The following STK3 variants were observed in gnomAD, a reference collection of about 807,000 sequenced individuals.
STK3 encodes serine/threonine kinase 3.
A neutral mutation model predicts 58.0 loss-of-function variants in STK3; 41 were observed. The ratio of observed to expected loss-of-function variants is 0.71; its 90% CI spans 0.55 to 0.92. STK3 has a LOEUF of 0.92. STK3 is among the 40% of genes least tolerant of loss of function. The pLI is 0.00. For missense variants in STK3, 479 were observed against 602.7 expected, an observed-to-expected ratio of 0.79 and a Z score of 2.15; for synonymous variants, 170 against 191.0, an observed-to-expected ratio of 0.89 and a Z score of 0.91.
At chr8:98,766,624 C>T (rs139825629) in intron 3 of STK3, among the ~76,000 whole-genome samples, 11 of 152,174 alleles carry the variant, frequency 7.2e-5, no homozygotes, top group African/African-American at 2.6e-4. Context: ...CTATGTTGCT[C>T]AGACTGGCCT....
chr8:98,724,193 G>T (rs1261292534), intron 4 of STK3, among the ~76,000 whole-genome samples: 2 of 152,140 alleles, frequency 1.3e-5, no homozygotes, highest in Non-Finnish European at 2.9e-5. Context: ...TCTTAAAGCT[G>T]ATTATGCATA....
rs1378683431 is a variant in STK3, at chr8:98,935,011, T to C, written c.-79+7367A>G. 7.9e-5 allele frequency among the ~76,000 whole-genome samples: 12 copies of C among 152,322 alleles called. No homozygotes were observed. The South Asian group carries it at 2.5e-3, about 32-fold the overall frequency. On this transcript the variant is annotated intron_variant, in intron 1 of 1. Transcript: ENST00000519420. ...ATCCTATGGCTAAAACTGTTGGTTG[T>C]CTCCCTATATCCATTCTCCTTTTCT...
At chr8:98,492,711 G>T (rs1427587246) in intron 10 of STK3, among the ~76,000 whole-genome samples, 1 of 152,068 alleles carries the variant, frequency 6.6e-6, no homozygotes, top group African/African-American at 2.4e-5. Context: ...CTGATAAAAA[G>T]AGAGGGGAGT....
chr8:98,935,711 G>T (rs967711592), intron 1 of STK3, among the ~76,000 whole-genome samples: 50 of 151,998 alleles, frequency 3.3e-4, no homozygotes, highest in Non-Finnish European at 8.8e-5. Flanking sequence ...TCTAACATTT[G>T]TTCCAACAGC....
intron 3 of STK3, among the ~76,000 whole-genome samples, chr8:98,869,237 A>G (rs1185306778): frequency 2.0e-5 from 3 of 152,170 alleles, no homozygotes; most frequent in African/African-American, 7.2e-5. Flanking sequence ...CCTGGCCAAC[A>G]TGGTGAAACA....
At position 98,659,202 on chromosome 8, in the gene STK3, A is replaced by G. The variant is rs370644888; in HGVS notation, c.684+47265T>C. The stretch of plus-strand genomic sequence containing the variant: ...TAAAAATTCTTTCATACAATTTTTC[A>G]TTATTTTTGCAAAATTCAAGGAGTA... On this transcript the variant is annotated intron_variant, in intron 6 of 10. Coordinates refer to ENST00000419617, the MANE Select transcript of STK3 (RefSeq NM_006281.4). Among the ~76,000 whole-genome samples the G allele has an allele frequency of 9.3e-4, 142 of 152,220 alleles. 1 individual carries two copies. In the Middle Eastern group the frequency reaches 0.01, roughly 11 times the overall value.
intron 9 of STK3, among the ~76,000 whole-genome samples, chr8:98,528,692 G>C (rs189215582): frequency 6.6e-6 from 1 of 152,110 alleles, no homozygotes; most frequent in Non-Finnish European, 1.5e-5. Flanking sequence ...CTCCATGTTG[G>C]TCAGGCAGTA....
chr8:98,565,763 G>A (rs1271212941), intron 8 of STK3, among the ~76,000 whole-genome samples: 1 of 151,964 alleles, frequency 6.6e-6, no homozygotes. Context: ...CTTTAAAGGT[G>A]GACTTGCCAT....
chr8:98,646,636 T>G (rs13248773), intron 6 of STK3, among the ~76,000 whole-genome samples: 1 of 152,062 alleles, frequency 6.6e-6, no homozygotes, highest in African/African-American at 2.4e-5. Context: ...CTTCTTGAGG[T>G]TCTTATTCTC....
intron 7 of STK3, among the ~76,000 whole-genome samples, chr8:98,580,367 C>G (rs947434288): frequency 3.3e-5 from 5 of 151,938 alleles, no homozygotes; most frequent in Non-Finnish European, 7.4e-5. Flanking sequence ...AAAATATCAC[C>G]CTGATCTAGC....
chr8:98,801,084 CT>C (rs1587657979), intron 1 of STK3, among the ~76,000 whole-genome samples: 1 of 152,226 alleles, frequency 6.6e-6, no homozygotes, highest in East Asian at 1.9e-4. Context: ...ACTTTTATAT[CT>C]AGCCAAAGGA....
intron 10 of STK3, among the ~76,000 whole-genome samples, chr8:98,510,275 C>A (rs897457336): frequency 6.6e-6 from 1 of 152,066 alleles, no homozygotes; most frequent in Non-Finnish European, 1.5e-5. Flanking sequence ...CAGAGGCATG[C>A]CACAAATATG....
chr8:98,858,279 T>C (rs1235556847), intron 3 of STK3, among the ~76,000 whole-genome samples: 1 of 119,272 alleles, frequency 8.4e-6, no homozygotes, highest in Non-Finnish European at 1.7e-5. Flanking sequence ...CTACAGTATA[T>C]ACATACATAC....
chr8:98,599,046 G>A, intron 6 of STK3: 1 of 282,752 alleles, frequency 3.5e-6, no homozygotes, highest in Non-Finnish European at 5.3e-6. Flanking sequence ...GTCAACACAT[G>A]TCTGACTCTA....
intron 6 of STK3, among the ~76,000 whole-genome samples, chr8:98,636,969 T>C (rs1819669947): frequency 6.6e-6 from 1 of 152,024 alleles, no homozygotes; most frequent in South Asian, 2.1e-4. Flanking sequence ...ACAATCCTAG[T>C]AGTGCATAAA....
At chr8:98,473,395 G>T (rs1168180418) in intron 10 of STK3, among the ~76,000 whole-genome samples, 1 of 152,066 alleles carries the variant, frequency 6.6e-6, no homozygotes, top group Non-Finnish European at 1.5e-5. Flanking sequence ...TATACTTTCT[G>T]ATATTTCCCA....
intron 3 of STK3, among the ~76,000 whole-genome samples, chr8:98,405,760 G>T (rs1329191744): frequency 6.6e-6 from 1 of 152,202 alleles, no homozygotes. Context: ...CATGGCAGAA[G>T]GCAAAGAAGA....
At chr8:98,793,132 C>G (rs773375964) in intron 1 of STK3, among the ~76,000 whole-genome samples, 1 of 151,870 alleles carries the variant, frequency 6.6e-6, no homozygotes, top group African/African-American at 2.4e-5. Context: ...GCTATGAGGA[C>G]GCAAAGGCAT....
intron 10 of STK3, among the ~76,000 whole-genome samples, chr8:98,519,797 C>T (rs750558910): frequency 1.3e-5 from 2 of 152,006 alleles, no homozygotes; most frequent in Admixed American, 6.6e-5. Context: ...CAAAAGAACA[C>T]CACCAACTGA....
Sources: gnomAD v4.1 joint callset for allele counts (sites outside exome capture counted in the v4.1 genomes callset) on GRCh38, gnomAD v4.1.1 for gene constraint, MANE v1.5 for transcripts, NCBI Gene and HGNC (gene_info 2026-07-23, HGNC 2026-07-21) for gene names.